The following EDIL3 variants were observed in gnomAD, a reference collection of about 807,000 sequenced individuals.
EDIL3 encodes the protein EGF like and discoidin domains 3.
In EDIL3, 37 loss-of-function variants were observed where a neutral mutation model predicts 67.4. That is an observed-to-expected ratio of 0.55 (90% CI 0.42 to 0.72). The LOEUF (loss-of-function observed/expected upper bound fraction) is 0.72, where lower values mean the gene tolerates loss of function less well. Among genes scored for constraint, EDIL3 ranks in the 30% least tolerant of loss-of-function variants. The pLI, the probability that EDIL3 is intolerant of heterozygous loss-of-function variation, is 0.00. For synonymous variants in EDIL3, 195 were observed against 196.3 expected (o/e 0.99, Z 0.05); for missense variants, 527 against 586.3 (o/e 0.90, Z 1.04).
intron 1 of EDIL3, among the ~76,000 whole-genome samples, chr5:84,263,201 C>T (rs957380384): frequency 6.6e-6 from 1 of 152,106 alleles, no homozygotes; most frequent in Admixed American, 6.6e-5. Flanking sequence ...GAGAGGGCCA[C>T]CAAACCCAGA....
intron 6 of EDIL3, chr5:84,078,896 C>T (rs1746913526): frequency 6.6e-6 from 1 of 152,134 alleles, no homozygotes; most frequent in African/African-American, 2.4e-5. Flanking sequence ...TCTTGATAGG[C>T]TCCTGAATAG....
chr5:84,354,919 T>C (rs1228017748), intron 1 of EDIL3, among the ~76,000 whole-genome samples: 1 of 152,174 alleles, frequency 6.6e-6, no homozygotes, highest in African/African-American at 2.4e-5. Flanking sequence ...CCTATTATTT[T>C]TTCCTTCATT....
At chr5:84,357,548 A>T (rs1747512722) in intron 1 of EDIL3, among the ~76,000 whole-genome samples, 1 of 152,070 alleles carries the variant, frequency 6.6e-6, no homozygotes, top group Non-Finnish European at 1.5e-5. Context: ...CCCTTTCCAT[A>T]TCTCTGTCCC....
intron 6 of EDIL3, among the ~76,000 whole-genome samples, chr5:84,088,836 A>G (rs1305049971): frequency 1.3e-5 from 2 of 152,218 alleles, no homozygotes; most frequent in African/African-American, 2.4e-5. Context: ...TTAATTAAAT[A>G]TATCAGTTTT....
intron 1 of EDIL3, among the ~76,000 whole-genome samples, chr5:84,356,928 T>G (rs1027745296): frequency 2.5e-5 from 3 of 119,230 alleles, no homozygotes; most frequent in Non-Finnish European, 5.3e-5. Flanking sequence ...TCTCTCTCTC[T>G]CTCTCTTTTC....
At chr5:84,350,222 A>G (rs1747326964) in intron 1 of EDIL3, among the ~76,000 whole-genome samples, 1 of 152,110 alleles carries the variant, frequency 6.6e-6, no homozygotes, top group African/African-American at 2.4e-5. Context: ...CCACCAGAAT[A>G]TCTGAACCAA....
intron 3 of EDIL3, among the ~76,000 whole-genome samples, chr5:84,194,942 C>T (rs1389620038): frequency 6.6e-6 from 1 of 151,936 alleles, no homozygotes; most frequent in East Asian, 1.9e-4. Context: ...TTTAATATCA[C>T]TGTCTTTGGA....
chr5:84,367,320 C>A (rs548070302), intron 1 of EDIL3, among the ~76,000 whole-genome samples: 2 of 151,980 alleles, frequency 1.3e-5, no homozygotes, highest in East Asian at 3.9e-4. Context: ...ACCTCCCAAG[C>A]TGGAATGCAG....
intron 9 of EDIL3, among the ~76,000 whole-genome samples, chr5:83,964,320 G>T (rs886405456): frequency 1.3e-5 from 2 of 151,574 alleles, no homozygotes; most frequent in Admixed American, 1.3e-4. Flanking sequence ...TTATGTTTAT[G>T]TTCCTTGATC....
chr5:83,981,267 C>T (rs1388696912), intron 9 of EDIL3, among the ~76,000 whole-genome samples: 1 of 152,004 alleles, frequency 6.6e-6, no homozygotes, highest in Non-Finnish European at 1.5e-5. Context: ...AATCAACACA[C>T]TGTGGTACTG....
chr5:84,068,822 C>G (rs556928127), intron 6 of EDIL3, among the ~76,000 whole-genome samples: 2 of 152,108 alleles, frequency 1.3e-5, no homozygotes, highest in Non-Finnish European at 2.9e-5. Flanking sequence ...TATAAGGAAG[C>G]TAAGCTGTCA....
chr5:83,981,239 T>C (rs904441227), intron 9 of EDIL3, among the ~76,000 whole-genome samples: 12 of 152,000 alleles, frequency 7.9e-5, no homozygotes, highest in African/African-American at 2.9e-4. Flanking sequence ...ATTTCAAAAC[T>C]CACTAGGAAG....
chr5:84,243,777 T>C (rs1744845578), intron 2 of EDIL3, among the ~76,000 whole-genome samples: 1 of 152,162 alleles, frequency 6.6e-6, no homozygotes, highest in Non-Finnish European at 1.5e-5. Flanking sequence ...AAAAAGAAGA[T>C]AACAATAAAT....
At position 84,328,326 on chromosome 5, in the gene EDIL3, G is replaced by A. The variant is rs76315452; in HGVS notation, c.67+55982C>T. On this transcript the variant is annotated intron_variant, in intron 1 of 10. Coordinates refer to ENST00000296591, the MANE Select transcript of EDIL3 (RefSeq NM_005711.5). ...GGAACACTTAGGCCATGAAGATGTT[G>A]GTTATACCCAAAATGCTTCCCCCCG... 4.6e-5 allele frequency among the ~76,000 whole-genome samples: 7 copies of A among 151,962 alleles called. No homozygotes were observed. The East Asian group carries it at 1.2e-3, about 25-fold the overall frequency.
Position 84,384,494 on chromosome 5 carries a change from TTC to T in EDIL3, c.-122_-121del, listed in dbSNP as rs1748181965. Reference sequence around the variant, plus strand: ...CCCTACTAAAGAATTCAAGAAGACGTTCTCTTTCCTCAGCGCTTTGTTAAACA... The same window carrying T: ...CCCTACTAAAGAATTCAAGAAGACGTTCTTTCCTCAGCGCTTTGTTAAACA... On this transcript the variant is annotated 5_prime_UTR_variant, in exon 1 of 11. Transcript: ENST00000296591. 3 of 919,004 alleles carry T rather than the reference TTC, an allele frequency of 3.3e-6. No homozygotes were observed. In the African/African-American group the frequency reaches 5.0e-5, roughly 15 times the overall value. The allele number at this position is 919,004 out of a possible 1,614,324, so 56.9% of individuals were successfully genotyped here.
At chr5:84,160,334 C>T (rs1422665942) in intron 4 of EDIL3, among the ~76,000 whole-genome samples, 1 of 152,054 alleles carries the variant, frequency 6.6e-6, no homozygotes, top group East Asian at 1.9e-4. Flanking sequence ...AACAACTACT[C>T]TATAAGTAGT....
At chr5:84,375,621 G>A (rs1047591227) in intron 1 of EDIL3, among the ~76,000 whole-genome samples, 2 of 152,110 alleles carry the variant, frequency 1.3e-5, no homozygotes, top group Non-Finnish European at 2.9e-5. Context: ...AAATTACAGA[G>A]AAAGCATGCT....
At chr5:84,053,766 T>G (rs939115282) in intron 9 of EDIL3, among the ~76,000 whole-genome samples, 5 of 152,196 alleles carry the variant, frequency 3.3e-5, no homozygotes, top group Non-Finnish European at 7.3e-5. Flanking sequence ...AGGAAGAAGT[T>G]GAATCTCTGA....
At chr5:83,953,930 G>A (rs1739347113) in intron 10 of EDIL3, among the ~76,000 whole-genome samples, 1 of 151,750 alleles carries the variant, frequency 6.6e-6, no homozygotes, top group African/African-American at 2.4e-5. Context: ...AAAAATCATT[G>A]CCAAATGATT....
Sources: gnomAD v4.1 joint callset for allele counts (sites outside exome capture counted in the v4.1 genomes callset) on GRCh38, gnomAD v4.1.1 for gene constraint, MANE v1.5 for transcripts, NCBI Gene and HGNC (gene_info 2026-07-23, HGNC 2026-07-21) for gene names.